The following TASP1 variants were observed in gnomAD, a reference collection of about 807,000 sequenced individuals.
TASP1 encodes the protein taspase 1, also known as threonine aspartase 1.
TASP1 carries 16 observed loss-of-function variants against 56.6 expected under a neutral mutation model. The ratio of observed to expected loss-of-function variants is 0.28; its 90% CI spans 0.19 to 0.43. The LOEUF is 0.43. Among genes scored for constraint, TASP1 ranks in the 20% least tolerant of loss-of-function variants. The pLI, the probability that TASP1 is intolerant of heterozygous loss-of-function variation, is 1.00. For missense variants in TASP1, 393 were observed against 511.6 expected (o/e 0.77, Z 2.24); for synonymous variants, 179 against 184.2 (o/e 0.97, Z 0.23).
At chr20:13,369,996 G>A in the TASP1 span, among the ~76,000 whole-genome samples, 1 of 152,214 alleles carries the variant, frequency 6.6e-6, no homozygotes, top group Non-Finnish European at 1.5e-5. Flanking sequence ...CTGAGGAACA[G>A]TACGGTGGTG....
At chr20:13,110,625 C>T in the TASP1 span, among the ~76,000 whole-genome samples, 3 of 152,150 alleles carry the variant, frequency 2.0e-5, no homozygotes, top group South Asian at 2.1e-4. Context: ...CTGGACAGCA[C>T]GCCCAACCCC....
the TASP1 span, among the ~76,000 whole-genome samples, chr20:13,171,885 A>G: frequency 6.6e-6 from 1 of 152,148 alleles, no homozygotes; most frequent in African/African-American, 2.4e-5. Context: ...TTGTAGGTCA[A>G]CCTGATTGTA....
Position 13,580,924 on chromosome 20 carries a change from T to C in TASP1, c.461A>G (p.Lys154Arg), listed in dbSNP as rs1452554779. 2.5e-6 allele frequency: 4 copies of C among 1,613,380 alleles called. No individual in the cohort carries two copies. Among genetic ancestry groups the C allele is most frequent in the African/African-American group, 2.7e-5 (2 of 74,828 alleles). Residue 154 changes from lysine to arginine, a missense_variant, in exon 6 of 14, where the codon AAG (lysine) becomes AGG (arginine). Physicochemically the swap from Lys to Arg is conservative, Grantham distance 26 (BLOSUM62 2). Transcript: ENST00000337743. Reference sequence around the variant, plus strand: ...GGGAGGAATTCTGCCAGCCGAGAGCTTGCCCTTCTGCCCTTCACATAAGAG... The same window carrying C: ...GGGAGGAATTCTGCCAGCCGAGAGCCTGCCCTTCTGCCCTTCACATAAGAG... ...NRLLCEGQKG[K>R]LSAGRIPPCF...
At chr20:13,258,195 T>C in the TASP1 span, among the ~76,000 whole-genome samples, 1 of 152,278 alleles carries the variant, frequency 6.6e-6, no homozygotes, top group African/African-American at 2.4e-5. Flanking sequence ...GGGCACATGA[T>C]CTGCATGTAT....
At chr20:13,602,421 G>A (rs1395788778) in intron 4 of TASP1, among the ~76,000 whole-genome samples, 2 of 152,146 alleles carry the variant, frequency 1.3e-5, no homozygotes, top group Non-Finnish European at 1.5e-5. Context: ...AAATCTGAAC[G>A]AAGTATGGAT....
the TASP1 span, chr20:13,288,596 G>C: frequency 6.2e-7 from 1 of 1,613,938 alleles, no homozygotes; most frequent in Non-Finnish European, 8.5e-7. Flanking sequence ...CGTCACCTGC[G>C]GGAACGGCAA....
chr20:13,513,081 G>A (rs1185797328), intron 10 of TASP1, among the ~76,000 whole-genome samples: 1 of 152,090 alleles, frequency 6.6e-6, no homozygotes, highest in Non-Finnish European at 1.5e-5. Context: ...TCTTGGCAAT[G>A]TGGGCTCTTT....
chr20:13,530,407 T>C (rs1244899543), intron 9 of TASP1, among the ~76,000 whole-genome samples: 1 of 152,160 alleles, frequency 6.6e-6, no homozygotes, highest in Non-Finnish European at 1.5e-5. Context: ...CAGAAGTGAT[T>C]TAGAATATGA....
At chr20:13,520,481 C>A (rs771351713) in intron 10 of TASP1, among the ~76,000 whole-genome samples, 1 of 152,124 alleles carries the variant, frequency 6.6e-6, no homozygotes, top group Non-Finnish European at 1.5e-5. Context: ...TATCTACAAC[C>A]ATCTGGTCTT....
the TASP1 span, among the ~76,000 whole-genome samples, chr20:13,202,814 G>A: frequency 6.6e-6 from 1 of 152,242 alleles, no homozygotes; most frequent in African/African-American, 2.4e-5. Flanking sequence ...AGTTCGAACA[G>A]TTGGCCACCT....
At chr20:13,191,465 T>C in the TASP1 span, among the ~76,000 whole-genome samples, 4 of 152,208 alleles carry the variant, frequency 2.6e-5, no homozygotes, top group Admixed American at 2.6e-4. Context: ...GAGGATATCA[T>C]GTTAAGTGAA....
chr20:13,448,618 C>T (rs1266088599), intron 11 of TASP1, among the ~76,000 whole-genome samples: 1 of 151,978 alleles, frequency 6.6e-6, no homozygotes, highest in East Asian at 1.9e-4. Flanking sequence ...TGGCGTGGTA[C>T]CCTAAAATAA....
At chr20:13,262,546 T>G in the TASP1 span, among the ~76,000 whole-genome samples, 2 of 152,090 alleles carry the variant, frequency 1.3e-5, no homozygotes, top group African/African-American at 2.4e-5. Context: ...GAATAATTTA[T>G]CCTTCATTTC....
At chr20:13,517,302 C>T (rs2044577227) in intron 10 of TASP1, among the ~76,000 whole-genome samples, 1 of 152,086 alleles carries the variant, frequency 6.6e-6, no homozygotes, top group Non-Finnish European at 1.5e-5. Context: ...TCTAAAACAG[C>T]TGCTGCTTTA....
chr20:13,545,453 C>T (rs946174924), intron 8 of TASP1, among the ~76,000 whole-genome samples: 2 of 152,042 alleles, frequency 1.3e-5, no homozygotes, highest in Non-Finnish European at 2.9e-5. Context: ...GTCAGAAGTA[C>T]GATAATACAA....
chr20:13,464,524 T>C (rs974332769), intron 11 of TASP1, among the ~76,000 whole-genome samples: 3 of 152,090 alleles, frequency 2.0e-5, no homozygotes, highest in Non-Finnish European at 2.9e-5. Context: ...GACAGATGAA[T>C]GGATAAACAA....
intron 10 of TASP1, among the ~76,000 whole-genome samples, chr20:13,526,652 CA>C (rs1317271838): frequency 6.6e-6 from 1 of 152,104 alleles, no homozygotes; most frequent in Non-Finnish European, 1.5e-5. Flanking sequence ...GCCAATGGCT[CA>C]AAACCATGTT....
chr20:13,126,696 G>C, the TASP1 span: 1 of 1,613,912 alleles, frequency 6.2e-7, no homozygotes, highest in Non-Finnish European at 8.5e-7. Flanking sequence ...ACTTATCATG[G>C]GACTGGATGG....
chr20:13,393,265 A>G lies in TASP1; in HGVS notation c.1171-2813T>C. ...GGCCCCTCCGGGAAACTGTGGCATG[A>G]GGGCTGTGTGGCTCTCCAGAACATC... On this transcript the variant is annotated intron_variant, in intron 13 of 13. Coordinates refer to ENST00000337743, the MANE Select transcript of TASP1 (RefSeq NM_017714.3). 5.4e-6 allele frequency: 4 copies of G among 742,318 alleles called. No individual in the cohort carries two copies. In the East Asian group the frequency reaches 1.1e-4, roughly 20 times the overall value. The allele number at this position is 742,318 out of a possible 1,614,324, so 46.0% of individuals were successfully genotyped here. A position where few individuals can be genotyped will look rare whatever the true frequency, so the allele number is the denominator to read the frequency against.
Sources: gnomAD v4.1 joint callset for allele counts (sites outside exome capture counted in the v4.1 genomes callset) on GRCh38, gnomAD v4.1.1 for gene constraint, MANE v1.5 for transcripts, NCBI Gene and HGNC (gene_info 2026-07-23, HGNC 2026-07-21) for gene names.